The following PBX3 variants were observed in gnomAD, a reference collection of about 807,000 sequenced individuals.
PBX3 encodes pre-B-cell leukemia transcription factor 3.
A neutral mutation model predicts 48.5 loss-of-function variants in PBX3; 14 were observed. The observed-to-expected ratio is 0.29, with a 90% confidence interval of 0.19 to 0.45. PBX3 has a LOEUF of 0.45. Among genes scored for constraint, PBX3 ranks in the 20% least tolerant of loss-of-function variants. PBX3 has a pLI of 1.00. For missense variants in PBX3, 386 were observed against 546.7 expected, an observed-to-expected ratio of 0.71 and a Z score of 2.93; for synonymous variants, 210 against 200.3, an observed-to-expected ratio of 1.05 and a Z score of -0.41.
chr9:125,888,321 TATTTA>T (rs1264311996), intron 2 of PBX3, among the ~76,000 whole-genome samples: 1 of 152,204 alleles, frequency 6.6e-6, no homozygotes, highest in South Asian at 2.1e-4. Context: ...ATTGTACCTA[TATTTA>T]ATTAAGCCAG....
At chr9:125,922,271 A>G (rs540265301) in intron 3 of PBX3, among the ~76,000 whole-genome samples, 1 of 152,270 alleles carries the variant, frequency 6.6e-6, no homozygotes, top group African/African-American at 2.4e-5. Flanking sequence ...AAAGACAAAG[A>G]CTCATAATAA....
chr9:125,853,032 A>G (rs992710018), intron 2 of PBX3, among the ~76,000 whole-genome samples: 1 of 151,606 alleles, frequency 6.6e-6, no homozygotes, highest in Non-Finnish European at 1.5e-5. Flanking sequence ...GTCTAAAAAC[A>G]TTCTTTTTCT....
intron 2 of PBX3, among the ~76,000 whole-genome samples, chr9:125,793,000 G>C (rs1200513420): frequency 1.3e-5 from 2 of 151,670 alleles, no homozygotes; most frequent in Non-Finnish European, 2.9e-5. Context: ...GCCCGGCCGA[G>C]GTATACTTAA....
intron 3 of PBX3, among the ~76,000 whole-genome samples, chr9:125,916,886 G>T (rs894609936): frequency 2.6e-5 from 4 of 152,116 alleles, no homozygotes; most frequent in Non-Finnish European, 4.4e-5. Context: ...CAAAAATAAT[G>T]AGAATAGTAT....
intron 2 of PBX3, among the ~76,000 whole-genome samples, chr9:125,795,959 G>T (rs1021645883): frequency 1.3e-5 from 2 of 152,140 alleles, no homozygotes. Flanking sequence ...CATTTTTGGT[G>T]TAAGAGACTA....
At chr9:125,937,279 AG>A (rs1841858391) in intron 5 of PBX3, among the ~76,000 whole-genome samples, 1 of 152,204 alleles carries the variant, frequency 6.6e-6, no homozygotes, top group Admixed American at 6.5e-5. Flanking sequence ...AGTGATAAAA[AG>A]GTTTCCTTCT....
chr9:125,867,354 C>T (rs1840006563), intron 2 of PBX3, among the ~76,000 whole-genome samples: 1 of 151,848 alleles, frequency 6.6e-6, no homozygotes, highest in African/African-American at 2.4e-5. Context: ...CTCTAAAAAA[C>T]AAAATTGTTG....
chr9:125,964,066 A>C (rs1842483330), intron 8 of PBX3, among the ~76,000 whole-genome samples: 1 of 152,238 alleles, frequency 6.6e-6, no homozygotes, highest in African/African-American at 2.4e-5. Flanking sequence ...AGAATGTGCG[A>C]TATCCTTATC....
At chr9:125,779,769 G>A (rs1239270387) in intron 2 of PBX3, among the ~76,000 whole-genome samples, 2 of 148,026 alleles carry the variant, frequency 1.4e-5, no homozygotes, top group East Asian at 2.0e-4. Flanking sequence ...TCAATGAGCT[G>A]TTGGGTACAC....
At chr9:125,932,659 A>G (rs371233432) in intron 4 of PBX3, among the ~76,000 whole-genome samples, 3 of 152,374 alleles carry the variant, frequency 2.0e-5, no homozygotes, top group East Asian at 1.9e-4. Context: ...GCATTATGTA[A>G]CAAAGATAGT....
At chr9:125,942,935 TACAA>T (rs781010162) in intron 5 of PBX3, among the ~76,000 whole-genome samples, 2 of 152,236 alleles carry the variant, frequency 1.3e-5, no homozygotes, top group Admixed American at 1.3e-4. Flanking sequence ...TGTTGTTCTC[TACAA>T]ACAATCAGTA....
intron 2 of PBX3, among the ~76,000 whole-genome samples, chr9:125,772,909 T>TC (rs1365677065): frequency 1.3e-5 from 2 of 151,884 alleles, no homozygotes; most frequent in African/African-American, 4.8e-5. Context: ...CTACCTATTC[T>TC]CCCCAGAAAA....
intron 2 of PBX3, among the ~76,000 whole-genome samples, chr9:125,907,207 C>CTA (rs1166550716): frequency 2.6e-5 from 4 of 151,908 alleles, no homozygotes; most frequent in Admixed American, 2.6e-4. Flanking sequence ...AGCAATAAAA[C>CTA]TATATACCAT....
chr9:125,889,729 C>T (rs1427591373), intron 2 of PBX3, among the ~76,000 whole-genome samples: 1 of 151,336 alleles, frequency 6.6e-6, no homozygotes, highest in Non-Finnish European at 1.5e-5. Context: ...AATTCGCTGT[C>T]AGCCAGCAGG....
intron 2 of PBX3, among the ~76,000 whole-genome samples, chr9:125,764,234 T>C (rs902861486): frequency 3.5e-4 from 53 of 152,238 alleles, no homozygotes; most frequent in Non-Finnish European, 1.3e-4. Context: ...GTACTTGCAC[T>C]TGTCAGCAGC....
intron 2 of PBX3, among the ~76,000 whole-genome samples, chr9:125,852,473 C>T (rs1239137029): frequency 6.6e-6 from 1 of 152,098 alleles, no homozygotes; most frequent in Non-Finnish European, 1.5e-5. Flanking sequence ...CTGATCAGTA[C>T]TAAAGCTGGG....
chr9:125,777,090 C>T (rs1209194365), intron 2 of PBX3, among the ~76,000 whole-genome samples: 1 of 151,530 alleles, frequency 6.6e-6, no homozygotes, highest in African/African-American at 2.4e-5. Flanking sequence ...CTGCAACCTG[C>T]AACCTCTGCC....
intron 2 of PBX3, among the ~76,000 whole-genome samples, chr9:125,851,867 C>G (rs894347834): frequency 1.6e-5 from 2 of 126,604 alleles, no homozygotes; most frequent in African/African-American, 6.5e-5. Context: ...AAAATTTTTG[C>G]TGCTTTTTTT....
At chr9:125,900,145 C>T (rs1840907132) in intron 2 of PBX3, among the ~76,000 whole-genome samples, 1 of 151,196 alleles carries the variant, frequency 6.6e-6, no homozygotes, top group Non-Finnish European at 1.5e-5. Context: ...TATTTTGCCT[C>T]TTTATTGTAG....
Sources: gnomAD v4.1 joint callset for allele counts (sites outside exome capture counted in the v4.1 genomes callset) on GRCh38, gnomAD v4.1.1 for gene constraint, MANE v1.5 for transcripts, NCBI Gene and HGNC (gene_info 2026-07-23, HGNC 2026-07-21) for gene names.